Variants in SLIT2 observed in about 807,000 individuals in gnomAD.
The protein encoded by SLIT2 is slit homolog 2 protein.
A neutral mutation model predicts 185.7 loss-of-function variants in SLIT2; 41 were observed. That is an observed-to-expected ratio of 0.22 (90% CI 0.17 to 0.29). SLIT2 has a LOEUF of 0.29. Among genes scored for constraint, SLIT2 ranks in the 10% least tolerant of loss-of-function variants. The pLI is 1.00. For synonymous variants in SLIT2, 693 were observed against 680.2 expected (o/e 1.02, Z -0.29); for missense variants, 1,571 against 1,909.0 (o/e 0.82, Z 3.30).
At chr4:20,496,047 G>A (rs947976473) in intron 9 of SLIT2, among the ~76,000 whole-genome samples, 1 of 151,854 alleles carries the variant, frequency 6.6e-6, no homozygotes, top group Non-Finnish European at 1.5e-5. Context: ...TTTCTTTATT[G>A]CAAGTTATGA....
At chr4:20,332,936 G>A (rs987730413) in intron 4 of SLIT2, among the ~76,000 whole-genome samples, 2 of 152,052 alleles carry the variant, frequency 1.3e-5, no homozygotes, top group Non-Finnish European at 2.9e-5. Flanking sequence ...GAGGTCTTAT[G>A]TAAGTATTAT....
intron 30 of SLIT2, among the ~76,000 whole-genome samples, chr4:20,594,272 T>C (rs1034902316): frequency 6.6e-6 from 1 of 150,656 alleles, no homozygotes; most frequent in Non-Finnish European, 1.5e-5. Flanking sequence ...CGCATATGTA[T>C]GTGTGTATGT....
At chr4:20,537,807 C>T (rs180938139) in intron 18 of SLIT2, among the ~76,000 whole-genome samples, 3 of 152,244 alleles carry the variant, frequency 2.0e-5, no homozygotes, top group African/African-American at 7.2e-5. Flanking sequence ...TCCCCCTAGG[C>T]TTCTTAACCC....
intron 4 of SLIT2, among the ~76,000 whole-genome samples, chr4:20,420,306 G>C (rs1728074080): frequency 6.6e-6 from 1 of 152,126 alleles, no homozygotes; most frequent in African/African-American, 2.4e-5. Context: ...TTAGTTCCAA[G>C]AAGCCTTTGA....
intron 9 of SLIT2, among the ~76,000 whole-genome samples, chr4:20,497,882 A>G (rs923655764): frequency 6.6e-6 from 1 of 151,984 alleles, no homozygotes; most frequent in Admixed American, 6.6e-5. Flanking sequence ...ACAAAACAAA[A>G]CAAAACAAAA....
intron 28 of SLIT2, among the ~76,000 whole-genome samples, chr4:20,568,420 T>C (rs1265144560): frequency 6.6e-6 from 1 of 152,024 alleles, no homozygotes; most frequent in Non-Finnish European, 1.5e-5. Context: ...ATTTTTTTTT[T>C]CAAAACATCA....
At chr4:20,284,869 TGTA>T (rs1715117204) in intron 4 of SLIT2, among the ~76,000 whole-genome samples, 1 of 152,248 alleles carries the variant, frequency 6.6e-6, no homozygotes, top group Admixed American at 6.5e-5. Context: ...AAATTGCTAA[TGTA>T]GTAGGAAACA....
chr4:20,345,708 G>A (rs918657433), intron 4 of SLIT2, among the ~76,000 whole-genome samples: 8 of 150,836 alleles, frequency 5.3e-5, no homozygotes, highest in African/African-American at 1.7e-4. Flanking sequence ...GCTAATTTTT[G>A]TATTTTTAGT....
intron 4 of SLIT2, among the ~76,000 whole-genome samples, chr4:20,354,902 TGTGTGAGAGAGAGA>T (rs1190160555): frequency 0.01 from 1,070 of 106,480 alleles, 8 homozygotes; most frequent in Middle Eastern, 0.015. Context: ...TGTGTGTGTG[TGTGTGAGAGAGAGA>T]GAGAGAGAGA....
chr4:20,360,807 C>T (rs147655605), intron 4 of SLIT2, among the ~76,000 whole-genome samples: 148 of 152,100 alleles, frequency 9.7e-4, no homozygotes, highest in African/African-American at 3.4e-3. Flanking sequence ...AAAATAGATA[C>T]CATTTATTGA....
At position 20,288,015 on chromosome 4, in the gene SLIT2, G is replaced by A. The variant is rs574589170; in HGVS notation, c.395+19134G>A. ...AATGAAACAAAATTTCAGTAACATG[G>A]TATCTGATTTTTAAACAGCCTATAT... On this transcript the variant is annotated intron_variant, in intron 4 of 36. Coordinates refer to ENST00000504154, the MANE Select transcript of SLIT2 (RefSeq NM_004787.4). 2.6e-5 allele frequency among the ~76,000 whole-genome samples: 4 copies of A among 152,186 alleles called. No individual in the cohort carries two copies. In the East Asian group the frequency reaches 5.8e-4, roughly 22 times the overall value.
At chr4:20,542,969 C>G (rs1300445684) in intron 21 of SLIT2, among the ~76,000 whole-genome samples, 1 of 151,868 alleles carries the variant, frequency 6.6e-6, no homozygotes, top group African/African-American at 2.4e-5. Context: ...TTCCTATACC[C>G]CTTTTCTCAT....
At chr4:20,540,243 G>A (rs894341091) in intron 19 of SLIT2, among the ~76,000 whole-genome samples, 2 of 151,022 alleles carry the variant, frequency 1.3e-5, no homozygotes, top group African/African-American at 2.4e-5. Context: ...ATCCAAGATC[G>A]CATCACTGCA....
intron 4 of SLIT2, among the ~76,000 whole-genome samples, chr4:20,289,682 G>C (rs2109076062): frequency 6.6e-6 from 1 of 152,276 alleles, no homozygotes; most frequent in East Asian, 1.9e-4. Flanking sequence ...TGAGGACAGA[G>C]ACTTTGTTTT....
intron 33 of SLIT2, among the ~76,000 whole-genome samples, chr4:20,599,161 C>G (rs1031626921): frequency 1.3e-5 from 2 of 152,154 alleles, no homozygotes; most frequent in African/African-American, 4.8e-5. Flanking sequence ...CTTAGGGAAT[C>G]TTGACCATCC....
At chr4:20,462,735 T>C (rs2148732474) in intron 4 of SLIT2, among the ~76,000 whole-genome samples, 1 of 152,254 alleles carries the variant, frequency 6.6e-6, no homozygotes, top group Non-Finnish European at 1.5e-5. Context: ...CTGAAACACA[T>C]TTTTACACTC....
chr4:20,472,268 A>ATATATAGATATATATC (rs1560452590), intron 5 of SLIT2, among the ~76,000 whole-genome samples: 1 of 38,784 alleles, frequency 2.6e-5, no homozygotes, highest in Non-Finnish European at 4.2e-5. Flanking sequence ...CTATATATAG[A>ATATATAGATATATATC]TATATATCTA....
At chr4:20,323,782 A>G (rs1719304629) in intron 4 of SLIT2, among the ~76,000 whole-genome samples, 1 of 152,214 alleles carries the variant, frequency 6.6e-6, no homozygotes. Flanking sequence ...AAATCAAGTT[A>G]TGTCACTCGA....
At chr4:20,478,895 G>A (rs1716402067) in intron 5 of SLIT2, among the ~76,000 whole-genome samples, 1 of 152,134 alleles carries the variant, frequency 6.6e-6, no homozygotes, top group African/African-American at 2.4e-5. Flanking sequence ...AATCAAAAGT[G>A]CTCAAGAATG....
Sources: allele counts gnomAD v4.1 joint callset (sites outside exome capture counted in the v4.1 genomes callset), GRCh38; gene constraint gnomAD v4.1.1; transcripts MANE v1.5; gene names NCBI Gene and HGNC (gene_info 2026-07-23, HGNC 2026-07-21).